NPEPPS: variants seen among roughly 807,000 people sequenced by gnomAD.
NPEPPS encodes the protein puromycin-sensitive aminopeptidase.
Under a neutral mutation model 115.5 loss-of-function variants are expected in NPEPPS, and 14 were observed. That is an observed-to-expected ratio of 0.12 (90% confidence interval 0.08 to 0.19). NPEPPS has a LOEUF of 0.19. Among genes scored for constraint, NPEPPS ranks in the 10% least tolerant of loss-of-function variants. The pLI, the probability that NPEPPS is intolerant of heterozygous loss-of-function variation, is 1.00. For missense variants in NPEPPS, 523 were observed against 1,110.8 expected (o/e 0.47, Z 7.52); for synonymous variants, 285 against 390.6 (o/e 0.73, Z 3.19).
Position 47,586,370 on chromosome 17 carries a change from A to G in NPEPPS, c.952A>G (p.Met318Val). 2.6e-6 allele frequency: 4 copies of G among 1,522,366 alleles called. No individual in the cohort carries two copies. The highest frequency in any genetic ancestry group is 3.5e-6 in the Non-Finnish European group (4 of 1,130,262). 94.3% of individuals were successfully genotyped at this position (1,522,366 alleles called of 1,614,324 possible). A position where few individuals can be genotyped will look rare whatever the true frequency, so the allele number is the denominator to read the frequency against. Residue 318 changes from methionine (M) to valine (V), a missense_variant, in exon 8 of 23, where the codon ATG becomes GTG. Met to Val is a conservative substitution (Grantham distance 21). Transcript: ENST00000322157. The stretch of plus-strand genomic sequence containing the variant: ...TTTATATTTATTTTGTGAAGGTGCC[A>G]TGGAGAACTGGGGCCTTGTTACTTA... The part of the protein sequence containing the change: ...IAIADFAAGA[M>V]ENWGLVTYRE...
intron 19 of NPEPPS, among the ~76,000 whole-genome samples, chr17:47,615,155 GCA>G (rs1243367461): frequency 7.0e-6 from 1 of 142,416 alleles, no homozygotes; most frequent in Non-Finnish European, 1.5e-5. Context: ...TTGGCTCACT[GCA>G]ACCTCTGCCT....
At chr17:47,587,754 T>C (rs1431992461) in intron 9 of NPEPPS, among the ~76,000 whole-genome samples, 3 of 152,190 alleles carry the variant, frequency 2.0e-5, no homozygotes, top group African/African-American at 7.2e-5. Context: ...TGATCTTTAA[T>C]TAGAGAGAAA....
At chr17:47,594,329 C>G (rs1478058356) in intron 12 of NPEPPS, among the ~76,000 whole-genome samples, 3 of 151,724 alleles carry the variant, frequency 2.0e-5, no homozygotes, top group Non-Finnish European at 4.4e-5. Context: ...ATTTTTCTTT[C>G]TTGAATAATA....
At chr17:47,602,610 C>T (rs1163282250) in intron 15 of NPEPPS, among the ~76,000 whole-genome samples, 1 of 148,902 alleles carries the variant, frequency 6.7e-6, no homozygotes, top group African/African-American at 2.5e-5. Context: ...TGCACTCCAG[C>T]CTGGGTGACA....
At chr17:47,541,568 G>A (rs1372909854) in intron 1 of NPEPPS, among the ~76,000 whole-genome samples, 1 of 151,984 alleles carries the variant, frequency 6.6e-6, no homozygotes, top group Non-Finnish European at 1.5e-5. Flanking sequence ...GTAGAGATGG[G>A]GTTTCACCAT....
chr17:47,544,501 CGTAT>C (rs1415173744), intron 1 of NPEPPS, among the ~76,000 whole-genome samples: 5 of 137,222 alleles, frequency 3.6e-5, no homozygotes, highest in African/African-American at 5.5e-5. Context: ...TGAAATTAAA[CGTAT>C]TTATTTATTT....
chr17:47,602,886 T>C (rs987175294), intron 15 of NPEPPS, among the ~76,000 whole-genome samples: 3 of 152,006 alleles, frequency 2.0e-5, no homozygotes, highest in Non-Finnish European at 4.4e-5. Flanking sequence ...GAAGATTATG[T>C]TGTAGCAATA....
intron 9 of NPEPPS, among the ~76,000 whole-genome samples, chr17:47,590,498 C>T (rs1328089107): frequency 6.6e-6 from 1 of 151,732 alleles, no homozygotes; most frequent in Non-Finnish European, 1.5e-5. Flanking sequence ...AAATGACCCT[C>T]AGATATAATT....
intron 15 of NPEPPS, among the ~76,000 whole-genome samples, chr17:47,602,373 C>T (rs1048907165): frequency 4.0e-5 from 6 of 151,182 alleles, no homozygotes; most frequent in Admixed American, 2.0e-4. Flanking sequence ...TTTGGGAGGC[C>T]GAGGCAGGTA....
intron 1 of NPEPPS, among the ~76,000 whole-genome samples, chr17:47,539,216 C>T (rs1908574119): frequency 2.0e-5 from 3 of 151,426 alleles, no homozygotes; most frequent in South Asian, 2.1e-4. Flanking sequence ...GAAGCTTCTC[C>T]GAACTTTGCC....
chr17:47,532,061 T>A (rs892286682), intron 1 of NPEPPS, among the ~76,000 whole-genome samples: 3 of 151,704 alleles, frequency 2.0e-5, no homozygotes, highest in African/African-American at 4.8e-5. Flanking sequence ...GCCGCCGCGT[T>A]GGAGCGACGA....
chr17:47,529,567 G>A (rs1907579859), upstream of NPEPPS, among the ~76,000 whole-genome samples: 1 of 147,382 alleles, frequency 6.8e-6, no homozygotes. Flanking sequence ...ACTATGCCAG[G>A]CTAATTTTTG....
At chr17:47,599,854 G>A in intron 14 of NPEPPS, 115 bp downstream of exon 14, 1 of 840,622 alleles carries the variant, frequency 1.2e-6, no homozygotes, top group Non-Finnish European at 1.9e-6. Context: ...GTCTCACTCT[G>A]TCGCCCAGGC....
intron 17 of NPEPPS, among the ~76,000 whole-genome samples, chr17:47,607,170 T>A (rs1299372666): frequency 2.0e-5 from 3 of 151,836 alleles, no homozygotes; most frequent in Admixed American, 2.0e-4. Flanking sequence ...CCAGCCTGGG[T>A]GACAGGGCGA....
chr17:47,560,184 T>C (rs1910336348), intron 2 of NPEPPS, among the ~76,000 whole-genome samples: 1 of 151,992 alleles, frequency 6.6e-6, no homozygotes, highest in African/African-American at 2.4e-5. Context: ...GTTTGAATTA[T>C]ATACTCATCT....
chr17:47,608,760 AG>A (rs201998825), intron 17 of NPEPPS, among the ~76,000 whole-genome samples: 3 of 151,590 alleles, frequency 2.0e-5, no homozygotes, highest in Non-Finnish European at 2.9e-5. Flanking sequence ...GCCAGGAGAG[AG>A]GGGGGGTATC....
chr17:47,531,405 C>T lies in NPEPPS; in HGVS notation c.105C>T (p.Arg35=), dbSNP rs1247257082. 2 of 1,547,038 alleles carry T rather than the reference C, an allele frequency of 1.3e-6. No homozygotes were observed. The highest frequency in any genetic ancestry group is 1.2e-5 in the South Asian group (1 of 83,864). The part of the protein sequence containing the change: ...LLLVFSRSSR[R]RLHSLGLAAM... ...TCGTCTTCAGCCGCTCCTCTCGCCG[C>T]CGCCTCCACAGCCTGGGCCTCGCCG... Residue 35 remains arginine, a synonymous_variant, in exon 1 of 23, where the codon CGC becomes CGT. Transcript: ENST00000322157.
chr17:47,602,250 A>G (rs1251292338), intron 15 of NPEPPS, among the ~76,000 whole-genome samples: 2 of 152,338 alleles, frequency 1.3e-5, no homozygotes, highest in East Asian at 3.9e-4. Flanking sequence ...ACCTTTCATA[A>G]TGAAAGTATT....
chr17:47,605,103 CA>C (rs1913435435), intron 16 of NPEPPS, among the ~76,000 whole-genome samples: 1 of 151,562 alleles, frequency 6.6e-6, no homozygotes, highest in Admixed American at 6.6e-5. Context: ...GTATAAATAG[CA>C]AATGATTCAT....
Sources: gnomAD v4.1 joint callset for allele counts (sites outside exome capture counted in the v4.1 genomes callset) on GRCh38, gnomAD v4.1.1 for gene constraint, MANE v1.5 for transcripts, NCBI Gene and HGNC (gene_info 2026-07-23, HGNC 2026-07-21) for gene names.